The following FAM83G variants were observed in gnomAD, a reference collection of about 807,000 sequenced individuals.
FAM83G encodes the protein scaffolding CK1 anchoring protein G.
FAM83G carries 38 observed loss-of-function variants against 61.5 expected under a neutral mutation model. The ratio of observed to expected loss-of-function variants is 0.62; its 90% CI spans 0.48 to 0.81. FAM83G has a LOEUF of 0.81. Among genes scored for constraint, FAM83G ranks in the 30% least tolerant of loss-of-function variants. FAM83G has a pLI of 0.00. For synonymous variants in FAM83G, 470 were observed against 476.1 expected (o/e 0.99, Z 0.17); for missense variants, 989 against 1,133.6 (o/e 0.87, Z 1.83).
chr17:18,978,568 C>T lies in FAM83G; in HGVS notation c.1098G>A (p.Glu366=). ...SVDEIAKISS[E]KQEAKKPLGL... ...CCAGGGGCTTCTTGGCCTCCTGCTT[C>T]TCAGAGGAGATCTTGGCAATCTCGT... The change falls in exon 5 of 6, where the codon GAG becomes GAA. Residue 366 remains glutamate, a synonymous_variant. Coordinates refer to ENST00000388995, the MANE Select transcript of FAM83G (RefSeq NM_001039999.3). 1 of 1,613,258 alleles carries T rather than the reference C, an allele frequency of 6.2e-7. No individual in the cohort carries two copies. Among genetic ancestry groups the T allele is most frequent in the East Asian group, 2.2e-5 (1 of 44,872 alleles).
intron 2 of FAM83G, among the ~76,000 whole-genome samples, chr17:18,999,505 C>T (rs1255903709): frequency 1.3e-5 from 2 of 152,188 alleles, no homozygotes; most frequent in African/African-American, 4.8e-5. Context: ...CCGAGCCCCA[C>T]CAAGCCTCAG....
intron 5 of FAM83G, chr17:18,976,750 A>C (rs1597844991): frequency 6.3e-6 from 9 of 1,439,086 alleles, no homozygotes; most frequent in South Asian, 5.3e-5. Context: ...GGCTAATGGG[A>C]CATCATCGTG....
chr17:18,978,270 G>C lies in FAM83G; in HGVS notation c.1396C>G (p.Gln466Glu). ...GGCTCTGGACGGGGCCTGCTGTCCT[G>C]GCTCTGCTTCCACAGCTGGTGCTGG... Reference protein sequence around the residue: ...SAQHQLWKQSQDSRPRPEPCP... With the variant: ...SAQHQLWKQSEDSRPRPEPCP... Residue 466 changes from glutamine (Q) to glutamate (E), a missense_variant, in exon 5 of 6, where the codon CAG becomes GAG. Gln to Glu is a conservative substitution (Grantham distance 29). Transcript: ENST00000388995. 2 of 1,609,618 alleles carry C rather than the reference G, an allele frequency of 1.2e-6. No homozygotes were observed. Among genetic ancestry groups the C allele is most frequent in the Non-Finnish European group, 1.7e-6 (2 of 1,177,694 alleles).
intron 3 of FAM83G, among the ~76,000 whole-genome samples, chr17:18,983,241 ACCGTCT>A (rs1443011370): frequency 6.6e-6 from 1 of 152,270 alleles, no homozygotes; most frequent in Non-Finnish European, 1.5e-5. Flanking sequence ...CTGGCCAAAC[ACCGTCT>A]CCTTTAATTT....
At position 18,977,834 on chromosome 17, in the gene FAM83G, A is replaced by G. The variant is rs1273963061; in HGVS notation, c.1832T>C (p.Val611Ala). 1.2e-6 allele frequency: 2 copies of G among 1,610,390 alleles called. No individual in the cohort carries two copies. The highest frequency in any genetic ancestry group is 1.7e-6 in the Non-Finnish European group (2 of 1,178,870). The change falls in exon 5 of 6, where the codon GTG becomes GCG. Residue 611 changes from valine to alanine, a missense_variant. Transcript: ENST00000388995. ...GRGPGPRRPS[V>A]ASSVSEEYFE... ...GTACTCCTCTGACACAGAGGAAGCC[A>G]CTGAGGGCCGTCGGGGGCCAGGGCC...
chr17:18,999,728 G>A (rs930870432), intron 2 of FAM83G, among the ~76,000 whole-genome samples: 5 of 152,258 alleles, frequency 3.3e-5, no homozygotes, highest in Non-Finnish European at 7.3e-5. Context: ...GGGTGAATCA[G>A]GCTTCGTGAA....
At chr17:19,005,859 C>A (rs1057174016), upstream of FAM83G, among the ~76,000 whole-genome samples, 1 of 152,230 alleles carries the variant, frequency 6.6e-6, no homozygotes, top group Non-Finnish European at 1.5e-5. Flanking sequence ...AACAGGCACA[C>A]ATATTTGCAT....
upstream of FAM83G, among the ~76,000 whole-genome samples, chr17:19,005,195 A>AC (rs1244937996): frequency 6.6e-6 from 1 of 152,174 alleles, no homozygotes; most frequent in Non-Finnish European, 1.5e-5. Context: ...GGGATAGGGC[A>AC]CTGACTGACC....
chr17:18,988,279 C>T lies in FAM83G; in HGVS notation c.658G>A (p.Glu220Lys), dbSNP rs2043319282. ...SNVKYFLHMC[E>K]RACMHLGHLK... Reference sequence around the variant, plus strand: ...TGCCCCAGGTGCATGCAGGCCCGCTCACACATGTGCAGGAAGTACTTGACG... The same window carrying T: ...TGCCCCAGGTGCATGCAGGCCCGCTTACACATGTGCAGGAAGTACTTGACG... Residue 220 changes from glutamate to lysine, a missense_variant, in exon 3 of 6, where the codon GAG becomes AAG. Glu to Lys is a moderately conservative substitution (Grantham distance 56). Around this residue, in one of 3 missense-constraint regions of FAM83G, gnomAD observed 371 missense variants for 404.5 expected, o/e 0.92. Coordinates refer to ENST00000388995, the MANE Select transcript of FAM83G (RefSeq NM_001039999.3). 2 of 1,613,532 alleles carry T rather than the reference C, an allele frequency of 1.2e-6. No individual in the cohort carries two copies. The highest frequency in any genetic ancestry group is 2.2e-5 in the East Asian group (1 of 44,894).
chr17:18,993,066 C>T (rs920630266), intron 2 of FAM83G, among the ~76,000 whole-genome samples: 4 of 152,174 alleles, frequency 2.6e-5, no homozygotes, highest in Admixed American at 1.3e-4. Context: ...AGGGGTGGGG[C>T]GAGACGGGCT....
At position 19,003,656 on chromosome 17, in the gene FAM83G, G is replaced by A. The variant is rs1426001076; in HGVS notation, c.386C>T (p.Pro129Leu). 6.2e-7 allele frequency: 1 copy of A among 1,612,006 alleles called. No individual in the cohort carries two copies. Among genetic ancestry groups the A allele is most frequent in the Non-Finnish European group, 8.5e-7 (1 of 1,179,452 alleles). ...YWPQKSDRSI[P>L]QLDLGWPDTI... ...GTCGGGCCAGCCCAGGTCCAGCTGCGGGATGGAGCGGTCCGACTTCTGGGG... is the reference window on the plus strand; with the variant it reads ...GTCGGGCCAGCCCAGGTCCAGCTGCAGGATGGAGCGGTCCGACTTCTGGGG... Residue 129 changes from proline (P) to leucine (L), a missense_variant, in exon 2 of 6, where the codon CCG becomes CTG. Physicochemically the swap from Pro to Leu is moderately conservative, Grantham distance 98. Around this residue, in one of 3 missense-constraint regions of FAM83G, gnomAD observed 371 missense variants for 404.5 expected, o/e 0.92. Transcript: ENST00000388995. The surrounding 1 kb of genome is among the most constrained non-coding windows in gnomAD (Gnocchi z 4.5).
intron 2 of FAM83G, among the ~76,000 whole-genome samples, chr17:18,999,076 G>C (rs533340624): frequency 8.5e-4 from 129 of 152,262 alleles, no homozygotes; most frequent in African/African-American, 3.1e-3. Context: ...TCAGGAGTTC[G>C]AGACCCACCT....
In FAM83G at chr17:18,969,723, G is replaced by A. The variant is rs2042791982; in HGVS notation, c.*1636C>T. ...ACCCGCATTGGCTCAGCGCTTGATG[G>A]TGAGGTGGGGCTGTAGGCGGGTGTG... On this transcript the variant is annotated 3_prime_UTR_variant, in exon 6 of 6. Transcript: ENST00000388995. 1 of 356,800 alleles carries A rather than the reference G, an allele frequency of 2.8e-6. No individual in the cohort carries two copies. Among genetic ancestry groups the A allele is most frequent in the Non-Finnish European group, 5.1e-6 (1 of 197,326 alleles). The allele number at this position is 356,800 out of a possible 1,614,324, so 22.1% of individuals were successfully genotyped here.
intron 2 of FAM83G, among the ~76,000 whole-genome samples, chr17:18,990,200 G>T (rs2043378363): frequency 6.6e-6 from 1 of 152,192 alleles, no homozygotes; most frequent in African/African-American, 2.4e-5. Flanking sequence ...TTAAGAGGGA[G>T]CTCACTCCCT....
chr17:18,988,381 C>A lies in FAM83G; in HGVS notation c.556G>T (p.Val186Leu). 6.2e-7 allele frequency: 1 copy of A among 1,614,190 alleles called. No homozygotes were observed. Among genetic ancestry groups the A allele is most frequent in the Middle Eastern group, 1.6e-4 (1 of 6,062 alleles). Reference protein sequence around the residue: ...IAVVMDMFTDVDIFKDLLDAG... With the variant: ...IAVVMDMFTDLDIFKDLLDAG... ...TCCAGCAGGTCCTTGAAGATGTCCACGTCGGTGAACATGTCCATGACCACA... is the reference window on the plus strand; with the variant it reads ...TCCAGCAGGTCCTTGAAGATGTCCAAGTCGGTGAACATGTCCATGACCACA... Residue 186 changes from valine to leucine, a missense_variant, in exon 3 of 6, where the codon GTG (valine) becomes TTG (leucine). Val to Leu is a conservative substitution (Grantham distance 32). This residue lies in a region of FAM83G where 371 missense variants were observed against 404.5 expected (regional missense o/e 0.92). Transcript: ENST00000388995.
intron 2 of FAM83G, among the ~76,000 whole-genome samples, chr17:18,995,422 C>G: frequency 6.6e-6 from 1 of 152,142 alleles, no homozygotes; most frequent in Non-Finnish European, 1.5e-5. Context: ...TAAGTAGAAA[C>G]TGTCCAAAAT....
At chr17:18,994,125 C>T (rs1483573770) in intron 2 of FAM83G, among the ~76,000 whole-genome samples, 4 of 152,220 alleles carry the variant, frequency 2.6e-5, no homozygotes, top group Non-Finnish European at 5.9e-5. Context: ...GAGGCAGTGG[C>T]CATCATGACC....
At chr17:19,005,116 G>T (rs936799851), upstream of FAM83G, among the ~76,000 whole-genome samples, 3 of 152,154 alleles carry the variant, frequency 2.0e-5, no homozygotes, top group African/African-American at 7.2e-5. Context: ...AGTCCGTGCG[G>T]CTGTATAGAT....
chr17:18,992,153 G>A (rs1410517990), intron 2 of FAM83G, among the ~76,000 whole-genome samples: 3 of 152,086 alleles, frequency 2.0e-5, no homozygotes, highest in Non-Finnish European at 2.9e-5. Context: ...CCAGCGCCCC[G>A]CCCGATGAGC....
Sources: gnomAD v4.1 joint callset for allele counts (sites outside exome capture counted in the v4.1 genomes callset) on GRCh38, gnomAD v4.1.1 for gene constraint, gnomAD v4.1.1 regional missense constraint, Gnocchi (gnomAD v3.1) non-coding constraint, MANE v1.5 for transcripts, NCBI Gene and HGNC (gene_info 2026-07-23, HGNC 2026-07-21) for gene names.